Variants in SYT1 observed in about 807,000 individuals in gnomAD.
SYT1 encodes the protein synaptotagmin-1.
A neutral mutation model predicts 44.8 loss-of-function variants in SYT1; 8 were observed. That is an observed-to-expected ratio of 0.18 (90% CI 0.10 to 0.32). The LOEUF (loss-of-function observed/expected upper bound fraction) is 0.32. Ranked by LOEUF, SYT1 falls within the 10% of genes least tolerant of loss-of-function variation. The pLI, the probability that SYT1 is intolerant of heterozygous loss-of-function variation, is 1.00. For synonymous variants in SYT1, 154 were observed against 188.8 expected (o/e 0.82, Z 1.51); for missense variants, 286 against 509.3 (o/e 0.56, Z 4.22).
intron 1 of SYT1, among the ~76,000 whole-genome samples, chr12:78,892,301 T>C (rs1875101365): frequency 6.6e-6 from 1 of 151,818 alleles, no homozygotes; most frequent in Non-Finnish European, 1.5e-5. Context: ...ATTTTTAAAA[T>C]AATAATCTTA....
chr12:79,264,287 C>T (rs1878002286), intron 4 of SYT1, among the ~76,000 whole-genome samples: 1 of 151,334 alleles, frequency 6.6e-6, no homozygotes, highest in African/African-American at 2.4e-5. Flanking sequence ...TCATGCCATT[C>T]TCCTGCCTCA....
chr12:79,139,282 T>A (rs1029497576), intron 3 of SYT1, among the ~76,000 whole-genome samples: 3 of 152,160 alleles, frequency 2.0e-5, no homozygotes, highest in Admixed American at 6.5e-5. Flanking sequence ...AATGAGAGAG[T>A]ATAGAACGTC....
chr12:79,304,175 C>A (rs528647644), intron 8 of SYT1, among the ~76,000 whole-genome samples: 3 of 152,176 alleles, frequency 2.0e-5, no homozygotes, highest in Non-Finnish European at 4.4e-5. Flanking sequence ...GTCTATGGTT[C>A]CTCACCAAGT....
intron 3 of SYT1, among the ~76,000 whole-genome samples, chr12:79,162,581 G>T (rs2138313050): frequency 6.6e-6 from 1 of 152,164 alleles, no homozygotes; most frequent in African/African-American, 2.4e-5. Context: ...TACTATTTTT[G>T]TGCTGAGCAC....
chr12:78,897,007 CT>C (rs1257489912), intron 1 of SYT1, among the ~76,000 whole-genome samples: 1 of 151,764 alleles, frequency 6.6e-6, no homozygotes. Flanking sequence ...GTTCTTTTGA[CT>C]TAACAAAATA....
chr12:78,971,743 T>C (rs1208426476), intron 1 of SYT1, among the ~76,000 whole-genome samples: 1 of 152,146 alleles, frequency 6.6e-6, no homozygotes, highest in African/African-American at 2.4e-5. Context: ...GACTATATAT[T>C]ATAGCAGAGG....
intron 8 of SYT1, among the ~76,000 whole-genome samples, chr12:79,344,553 A>G (rs547425826): frequency 1.3e-5 from 2 of 152,214 alleles, no homozygotes; most frequent in South Asian, 4.2e-4. Flanking sequence ...CTTGGGCCCA[A>G]GTAATCCTCC....
chr12:79,080,431 G>A (rs1160167427), intron 3 of SYT1, among the ~76,000 whole-genome samples: 1 of 152,068 alleles, frequency 6.6e-6, no homozygotes, highest in African/African-American at 2.4e-5. Context: ...TCAGGTCCAA[G>A]GAGAGTTAGA....
chr12:79,104,340 AC>A (rs1238562997), intron 3 of SYT1, among the ~76,000 whole-genome samples: 2 of 152,108 alleles, frequency 1.3e-5, no homozygotes, highest in Non-Finnish European at 2.9e-5. Flanking sequence ...TAGGGAACTT[AC>A]AAATTAGGAG....
intron 2 of SYT1, among the ~76,000 whole-genome samples, chr12:79,024,699 C>T (rs1872414153): frequency 6.6e-6 from 1 of 151,588 alleles, no homozygotes; most frequent in African/African-American, 2.4e-5. Flanking sequence ...ATTCTGTTGT[C>T]CTTGTTGAAC....
At position 79,249,396 on chromosome 12, in the gene SYT1, G is replaced by T. The variant is rs949677675; in HGVS notation, c.166+31711G>T. Among the ~76,000 whole-genome samples, 9 of 152,110 alleles carry T rather than the reference G, an allele frequency of 5.9e-5. No individual in the cohort carries two copies. The East Asian group carries it at 1.2e-3, about 20-fold the overall frequency. On this transcript the variant is annotated intron_variant, in intron 4 of 10. Coordinates refer to ENST00000261205, the MANE Select transcript of SYT1 (RefSeq NM_005639.3). ...TGGGATTACAGGCTTGAGCCACCGC[G>T]CCCGGCCCTCTTTACCTCTTTCTAT...
At chr12:78,971,795 G>A (rs1174505093) in intron 1 of SYT1, among the ~76,000 whole-genome samples, 1 of 152,086 alleles carries the variant, frequency 6.6e-6, no homozygotes, top group African/African-American at 2.4e-5. Flanking sequence ...ACTAGACTGA[G>A]AATCAATAGA....
At chr12:79,193,306 A>G (rs1241057857) in intron 3 of SYT1, among the ~76,000 whole-genome samples, 2 of 152,300 alleles carry the variant, frequency 1.3e-5, no homozygotes, top group Non-Finnish European at 1.5e-5. Context: ...TACTAGGGAA[A>G]TAAATAAATT....
intron 1 of SYT1, among the ~76,000 whole-genome samples, chr12:78,876,721 A>T (rs1477258267): frequency 2.6e-5 from 3 of 113,382 alleles, no homozygotes; most frequent in East Asian, 4.8e-4. Flanking sequence ...TATATTATAT[A>T]ATATAATTAT....
At chr12:79,057,440 T>A (rs1875043986) in intron 3 of SYT1, among the ~76,000 whole-genome samples, 1 of 152,098 alleles carries the variant, frequency 6.6e-6, no homozygotes, top group Non-Finnish European at 1.5e-5. Flanking sequence ...TTCAATAGTC[T>A]GAAATATATT....
At chr12:79,113,549 G>A (rs2138100179) in intron 3 of SYT1, among the ~76,000 whole-genome samples, 1 of 152,156 alleles carries the variant, frequency 6.6e-6, no homozygotes, top group South Asian at 2.1e-4. Flanking sequence ...CTGTGTAGTA[G>A]CATATTAAAG....
At position 79,217,693 on chromosome 12, in the gene SYT1, T is replaced by C; in HGVS notation, c.166+8T>C. On this transcript the variant is annotated splice_region_variant and intron_variant, in intron 4 of 10. Transcript: ENST00000261205. ...AGTTGCATAAAATTCCATGTGAGTA[T>C]TCTATATTAGTACTTGAGTAAAAAT... 6.2e-7 allele frequency: 1 copy of C among 1,610,470 alleles called. No homozygotes were observed. The highest frequency in any genetic ancestry group is 2.2e-5 in the East Asian group (1 of 44,742).
At chr12:79,422,696 G>A (rs1411634758) in intron 9 of SYT1, among the ~76,000 whole-genome samples, 1 of 150,668 alleles carries the variant, frequency 6.6e-6, no homozygotes, top group East Asian at 1.9e-4. Flanking sequence ...CTCTCTCTCT[G>A]GGATTTGTTA....
chr12:78,995,830 AG>A (rs1330210119), intron 2 of SYT1: 1 of 152,234 alleles, frequency 6.6e-6, no homozygotes, highest in Non-Finnish European at 1.5e-5. Flanking sequence ...AGAAAAAATA[AG>A]AAGTGGCTCC....
Sources: allele counts gnomAD v4.1 joint callset (sites outside exome capture counted in the v4.1 genomes callset), GRCh38; gene constraint gnomAD v4.1.1; transcripts MANE v1.5; gene names NCBI Gene and HGNC (gene_info 2026-07-23, HGNC 2026-07-21).